The following TRHDE variants were observed in gnomAD, a reference collection of about 807,000 sequenced individuals.
TRHDE encodes the protein thyrotropin-releasing hormone-degrading ectoenzyme.
In TRHDE, 72 loss-of-function variants were observed where a neutral mutation model predicts 125.7. That is an observed-to-expected ratio of 0.57 (90% confidence interval 0.47 to 0.70). The LOEUF (loss-of-function observed/expected upper bound fraction) is 0.70, where lower values mean the gene tolerates loss of function less well. Among genes scored for constraint, TRHDE ranks in the 30% least tolerant of loss-of-function variants. TRHDE has a pLI of 0.00. For missense variants in TRHDE, 1,110 were observed against 1,327.1 expected, an observed-to-expected ratio of 0.84 and a Z score of 2.54; for synonymous variants, 509 against 509.1, an observed-to-expected ratio of 1.00 and a Z score of 0.00.
At chr12:72,246,796 A>G (rs762892202) in intron 2 of TRHDE, among the ~76,000 whole-genome samples, 2 of 152,224 alleles carry the variant, frequency 1.3e-5, no homozygotes, top group Non-Finnish European at 2.9e-5. Context: ...AATTGTTCCT[A>G]TAAGCACAGA....
At chr12:72,544,380 G>A (rs1166700204) in intron 7 of TRHDE, among the ~76,000 whole-genome samples, 4 of 151,490 alleles carry the variant, frequency 2.6e-5, no homozygotes, top group Non-Finnish European at 5.9e-5. Flanking sequence ...GTTGTTGAAA[G>A]AGCTAATCTA....
In TRHDE at chr12:72,599,421, A is replaced by G. The variant is rs577448541; in HGVS notation, c.2322-19470A>G. ...ACTTTTTAATAATAGCCATTCTGACATGTGAGATAGTATCTCATTGTGGTT... is the reference window on the plus strand; with the variant it reads ...ACTTTTTAATAATAGCCATTCTGACGTGTGAGATAGTATCTCATTGTGGTT... On this transcript the variant is annotated intron_variant, in intron 12 of 18. Transcript: ENST00000261180. Among the ~76,000 whole-genome samples, 3 of 152,080 alleles carry G rather than the reference A, an allele frequency of 2.0e-5. No homozygotes were observed. In the South Asian group the frequency reaches 6.2e-4, roughly 32 times the overall value.
intron 10 of TRHDE, 93 bp from the exon 11 acceptor site, chr12:72,575,162 T>C: frequency 8.6e-7 from 1 of 1,168,610 alleles, no homozygotes; most frequent in South Asian, 1.5e-5. Context: ...TTCACTTAAT[T>C]ATTGGTATTG....
intron 3 of TRHDE, among the ~76,000 whole-genome samples, chr12:72,408,682 C>T (rs991176472): frequency 5.3e-5 from 8 of 152,030 alleles, no homozygotes; most frequent in East Asian, 1.9e-4. Flanking sequence ...ATAGAATACT[C>T]GAAAAGTACC....
intron 6 of TRHDE, among the ~76,000 whole-genome samples, chr12:72,507,730 G>A (rs182898428): frequency 2.8e-3 from 422 of 152,316 alleles, no homozygotes; most frequent in Non-Finnish European, 4.9e-3. Flanking sequence ...CATAAGAAGA[G>A]CTGAATGTCA....
chr12:72,465,810 C>T (rs559136704), intron 3 of TRHDE, among the ~76,000 whole-genome samples: 1 of 152,264 alleles, frequency 6.6e-6, no homozygotes, highest in East Asian at 1.9e-4. Flanking sequence ...GTTGCTTCAA[C>T]AAAATCTAAG....
chr12:72,173,181 A>G (rs1162376619), intron 2 of TRHDE, among the ~76,000 whole-genome samples: 3 of 152,200 alleles, frequency 2.0e-5, no homozygotes, highest in African/African-American at 7.2e-5. Context: ...AATTAGAAAT[A>G]TGTGTTTGGG....
At chr12:72,326,942 A>G (rs1869367225) in intron 2 of TRHDE, among the ~76,000 whole-genome samples, 1 of 152,098 alleles carries the variant, frequency 6.6e-6, no homozygotes. Context: ...AGATGATTAT[A>G]TATCTATATC....
At chr12:72,594,683 A>G (rs1464155281) in intron 12 of TRHDE, among the ~76,000 whole-genome samples, 2 of 152,016 alleles carry the variant, frequency 1.3e-5, no homozygotes, top group Non-Finnish European at 2.9e-5. Context: ...TCAAACTTTT[A>G]CTTATGAACT....
chr12:72,295,744 G>C (rs1214648359), intron 2 of TRHDE, among the ~76,000 whole-genome samples: 2 of 152,040 alleles, frequency 1.3e-5, no homozygotes, highest in Non-Finnish European at 2.9e-5. Flanking sequence ...TCATTTTAAT[G>C]AGAGAATTAG....
chr12:72,604,432 T>C (rs1438047317), intron 12 of TRHDE, among the ~76,000 whole-genome samples: 1 of 127,150 alleles, frequency 7.9e-6, no homozygotes, highest in African/African-American at 3.7e-5. Context: ...GGTTTCTGCT[T>C]CTTAATATTA....
chr12:72,154,452 T>G (rs191316985), intron 2 of TRHDE, among the ~76,000 whole-genome samples: 3,824 of 152,314 alleles, frequency 0.025, 50 homozygotes, highest in Middle Eastern at 0.048. Flanking sequence ...TTTAGCTGGC[T>G]ATTTTGCTCG....
chr12:72,152,053 G>A (rs916258603), intron 2 of TRHDE, among the ~76,000 whole-genome samples: 1 of 151,776 alleles, frequency 6.6e-6, no homozygotes, highest in African/African-American at 2.4e-5. Context: ...CCATTTGTTT[G>A]TATCCTCTTT....
rs868323318 is a variant in TRHDE, at chr12:72,526,046, G to C, written c.1723-16245G>C. ...ATTTGAAAATTATTCTTAAGTGTTTGATTGGCCTCCATTTTTCCAGAAAAA... is the reference window on the plus strand; with the variant it reads ...ATTTGAAAATTATTCTTAAGTGTTTCATTGGCCTCCATTTTTCCAGAAAAA... On this transcript the variant is annotated intron_variant, in intron 6 of 18. Transcript: ENST00000261180. 2.8e-4 allele frequency among the ~76,000 whole-genome samples: 42 copies of C among 151,790 alleles called. 1 individual carries two copies. Among genetic ancestry groups the C allele is most frequent in the African/African-American group, 9.7e-4 (40 of 41,362 alleles).
chr12:72,433,215 GA>G (rs1352315983), intron 3 of TRHDE, among the ~76,000 whole-genome samples: 2 of 152,010 alleles, frequency 1.3e-5, no homozygotes, highest in Non-Finnish European at 2.9e-5. Context: ...TGTTGATGAT[GA>G]TTTTTTTTGT....
intron 2 of TRHDE, among the ~76,000 whole-genome samples, chr12:72,332,215 T>G (rs2135720804): frequency 6.6e-6 from 1 of 152,150 alleles, no homozygotes; most frequent in African/African-American, 2.4e-5. Context: ...CTCGGCTCAC[T>G]GCAAGCTCCA....
chr12:72,184,959 C>T (rs554787704), intron 2 of TRHDE, among the ~76,000 whole-genome samples: 2 of 151,944 alleles, frequency 1.3e-5, no homozygotes, highest in East Asian at 2.0e-4. Context: ...GCCCTTCAGC[C>T]CCCCCACTGC....
intron 5 of TRHDE, among the ~76,000 whole-genome samples, chr12:72,478,851 T>C (rs1021979398): frequency 1.4e-5 from 2 of 146,066 alleles, no homozygotes; most frequent in Non-Finnish European, 3.0e-5. Context: ...AAAAAGAATG[T>C]CAGAGTTAAG....
intron 6 of TRHDE, among the ~76,000 whole-genome samples, chr12:72,502,594 G>A (rs577261765): frequency 3.1e-4 from 47 of 152,182 alleles, no homozygotes; most frequent in African/African-American, 1.1e-3. Flanking sequence ...GTTGGTAAAT[G>A]TACTGTATCC....
Sources: gnomAD v4.1 joint callset for allele counts (sites outside exome capture counted in the v4.1 genomes callset) on GRCh38, gnomAD v4.1.1 for gene constraint, MANE v1.5 for transcripts, NCBI Gene and HGNC (gene_info 2026-07-23, HGNC 2026-07-21) for gene names.